PTGES3: variants seen among roughly 807,000 people sequenced by gnomAD.
PTGES3 encodes prostaglandin E synthase 3.
A neutral mutation model predicts 29.9 loss-of-function variants in PTGES3; 5 were observed. The observed-to-expected ratio is 0.17, with a 90% CI of 0.09 to 0.35. The LOEUF (loss-of-function observed/expected upper bound fraction) is 0.35, where lower values mean the gene tolerates loss of function less well. Ranked by LOEUF, PTGES3 falls within the 10% of genes least tolerant of loss-of-function variation. The pLI is 1.00. For synonymous variants in PTGES3, 49 were observed against 57.8 expected, an observed-to-expected ratio of 0.85 and a Z score of 0.69; for missense variants, 128 against 190.0, an observed-to-expected ratio of 0.67 and a Z score of 1.92.
intron 4 of PTGES3, among the ~76,000 whole-genome samples, chr12:56,671,211 C>T (rs530288481): frequency 2.0e-5 from 3 of 152,178 alleles, no homozygotes; most frequent in African/African-American, 7.2e-5. Flanking sequence ...CCAAGCTGGG[C>T]AACACTGTGA....
At chr12:56,678,709 G>A (rs544246894) in intron 1 of PTGES3, among the ~76,000 whole-genome samples, 1 of 152,232 alleles carries the variant, frequency 6.6e-6, no homozygotes, top group African/African-American at 2.4e-5. Flanking sequence ...TCCTTTCAAG[G>A]CTAACAAAGA....
intron 1 of PTGES3, chr12:56,687,406 C>T: frequency 1.0e-6 from 1 of 987,486 alleles, no homozygotes; most frequent in Non-Finnish European, 1.2e-6. Flanking sequence ...AGGAGGCGGA[C>T]TGGAAGTACC....
intron 1 of PTGES3, among the ~76,000 whole-genome samples, chr12:56,676,397 A>C (rs1036973125): frequency 1.3e-5 from 2 of 152,140 alleles, no homozygotes; most frequent in African/African-American, 4.8e-5. Context: ...TATATAATCT[A>C]AACTAGCTTC....
chr12:56,680,909 A>C (rs7303216), intron 1 of PTGES3, among the ~76,000 whole-genome samples: 106,299 of 151,560 alleles, frequency 0.7, 37,423 homozygotes, highest in South Asian at 0.79. Context: ...TCCATGGTGG[A>C]TGGAACCACA....
chr12:56,666,425 G>C (rs1951789005), intron 5 of PTGES3, among the ~76,000 whole-genome samples, 159 bp from the exon 6 acceptor site: 1 of 152,036 alleles, frequency 6.6e-6, no homozygotes, highest in African/African-American at 2.4e-5. Context: ...GAAGATTATA[G>C]GTAATTATAC....
chr12:56,667,878 C>T (rs530680319), intron 5 of PTGES3, among the ~76,000 whole-genome samples: 5 of 152,250 alleles, frequency 3.3e-5, no homozygotes, highest in African/African-American at 4.8e-5. Flanking sequence ...GAGGCCAAGG[C>T]GGGTGGATCA....
intron 6 of PTGES3, chr12:56,665,976 A>G (rs1951768276): frequency 1.6e-6 from 2 of 1,268,486 alleles, no homozygotes; most frequent in Non-Finnish European, 2.0e-6. Flanking sequence ...CTATACAATG[A>G]TTCTTTGGAA....
At chr12:56,673,460 C>T (rs1368743582) in intron 1 of PTGES3, among the ~76,000 whole-genome samples, 4 of 133,518 alleles carry the variant, frequency 3.0e-5, no homozygotes, top group South Asian at 4.8e-4. Context: ...AGCGAAACCC[C>T]GACTCTACTA....
chr12:56,669,041 G>C lies in PTGES3; in HGVS notation c.375+1234C>G, dbSNP rs192876165. 3.2e-3 allele frequency among the ~76,000 whole-genome samples: 348 copies of C among 109,404 alleles called. 2 individuals carry two copies. The highest frequency in any genetic ancestry group is 0.012 in the African/African-American group (346 of 28,184). 71.8% of individuals were successfully genotyped at this position (109,404 alleles called of 152,430 possible). On this transcript the variant is annotated intron_variant, in intron 5 of 7. Coordinates refer to ENST00000262033, the MANE Select transcript of PTGES3 (RefSeq NM_006601.7). Reference sequence around the variant, plus strand: ...TTTTTTTTTTTGGAGACAGAGTCTTGCTCTGTCGCCCAGGCTGGAGTGCAG... The same window carrying C: ...TTTTTTTTTTTGGAGACAGAGTCTTCCTCTGTCGCCCAGGCTGGAGTGCAG...
At position 56,664,607 on chromosome 12, in the gene PTGES3, A is replaced by C. The variant is rs1047415002; in HGVS notation, c.464-109T>G. On this transcript the variant is annotated intron_variant, in intron 7 of 7. Transcript: ENST00000262033. ...AATCGAAATACATAGTTGCCCAATG[A>C]ATTAATAGGTTGTCTTGCTATCAAG... 3.6e-6 allele frequency: 5 copies of C among 1,385,632 alleles called. No individual in the cohort carries two copies. In the East Asian group the frequency reaches 1.2e-4, roughly 33 times the overall value. The allele number at this position is 1,385,632 out of a possible 1,614,324, so 85.8% of individuals were successfully genotyped here.
rs1488132224 is a variant in PTGES3, at chr12:56,671,798, T to A, written c.236A>T (p.Lys79Ile). The A allele has an allele frequency of 6.3e-7, 1 of 1,580,674 alleles. No homozygotes were observed. Among genetic ancestry groups the A allele is most frequent in the Non-Finnish European group, 8.6e-7 (1 of 1,162,080 alleles). Residue 79 changes from lysine to isoleucine, a missense_variant, in exon 4 of 8, where the codon AAA becomes ATA. Physicochemically the swap from Lys to Ile is moderately radical, Grantham distance 102. Coordinates refer to ENST00000262033, the MANE Select transcript of PTGES3 (RefSeq NM_006601.7). Reference protein sequence around the residue: ...TDRSILCCLRKGESGQSWPRL... With the variant: ...TDRSILCCLRIGESGQSWPRL... ...TGGCCATGACTGGCCAGATTCTCCT[T>A]TTCGTAAACAACATAAAATTGATCT...
In PTGES3 at chr12:56,665,431, AT is replaced by A. The variant is rs1053063551; in HGVS notation, c.439-632del. The stretch of plus-strand genomic sequence containing the variant: ...TGCCTCAGCCTCCCAAGTAGCTGGG[AT>A]TACAGGCACCCGCCACCATGCCCGG... On this transcript the variant is annotated intron_variant, in intron 6 of 7. Transcript: ENST00000262033. The A allele has an allele frequency of 3.3e-5, 29 of 873,682 alleles. No individual in the cohort carries two copies. The African/African-American group carries it at 5.2e-4, about 16-fold the overall frequency. 54.1% of individuals were successfully genotyped at this position (873,682 alleles called of 1,614,324 possible).
intron 4 of PTGES3, chr12:56,670,580 G>A: frequency 4.0e-6 from 2 of 504,394 alleles, no homozygotes; most frequent in Non-Finnish European, 7.2e-6. Flanking sequence ...ACCCTCTTCA[G>A]GCAACCTGGT....
intron 1 of PTGES3, among the ~76,000 whole-genome samples, chr12:56,682,381 T>C (rs571571710): frequency 4.0e-5 from 6 of 151,888 alleles, no homozygotes; most frequent in African/African-American, 9.7e-5. Flanking sequence ...CTTAGCAACA[T>C]TGTGAGACCC....
rs567616964 is a variant in PTGES3, at chr12:56,686,676, C to T, written c.2+1322G>A. 7.8e-4 allele frequency among the ~76,000 whole-genome samples: 118 copies of T among 152,204 alleles called. 1 individual carries two copies. Among genetic ancestry groups the T allele is most frequent in the Middle Eastern group, 3.4e-3 (1 of 294 alleles). On this transcript the variant is annotated intron_variant, in intron 1 of 7. Transcript: ENST00000262033. ...ACAGTTGTGAGCCACCGCGCCCAGC[C>T]TAATTCAAATTTTTTAAAACCCCGA...
chr12:56,677,509 G>A (rs770416763), intron 1 of PTGES3, among the ~76,000 whole-genome samples: 24 of 152,048 alleles, frequency 1.6e-4, no homozygotes, highest in Admixed American at 2.0e-4. Context: ...GTAGCTATTG[G>A]AAAAACGAAT....
chr12:56,670,032 T>G (rs937839273), intron 5 of PTGES3, among the ~76,000 whole-genome samples: 1 of 152,050 alleles, frequency 6.6e-6, no homozygotes. Context: ...TAGTTTGTCT[T>G]AATGCATTAA....
At chr12:56,665,196 T>A (rs1162839808) in intron 6 of PTGES3, 1 of 985,206 alleles carries the variant, frequency 1.0e-6, no homozygotes, top group East Asian at 1.1e-4. Flanking sequence ...AATAACTTTC[T>A]GGGAGATGTT....
chr12:56,672,579 T>C (rs187869577), intron 3 of PTGES3, among the ~76,000 whole-genome samples, 161 bp downstream of exon 3: 5 of 152,248 alleles, frequency 3.3e-5, no homozygotes, highest in Admixed American at 2.0e-4. Flanking sequence ...ACAAAAAGTA[T>C]GCAGAAACCA....
Sources: gnomAD v4.1 joint callset for allele counts (sites outside exome capture counted in the v4.1 genomes callset) on GRCh38, gnomAD v4.1.1 for gene constraint, MANE v1.5 for transcripts, NCBI Gene and HGNC (gene_info 2026-07-23, HGNC 2026-07-21) for gene names.